RAPGEF4: variants seen among roughly 807,000 people sequenced by gnomAD.
The protein encoded by RAPGEF4 is Rap guanine nucleotide exchange factor 4.
RAPGEF4 carries 66 observed loss-of-function variants against 147.9 expected under a neutral mutation model. The observed-to-expected ratio is 0.45, with a 90% CI of 0.37 to 0.55. The LOEUF is 0.55. Among genes scored for constraint, RAPGEF4 ranks in the 20% least tolerant of loss-of-function variants. RAPGEF4 has a pLI of 0.00. For missense variants in RAPGEF4, 1,071 were observed against 1,257.3 expected, an observed-to-expected ratio of 0.85 and a Z score of 2.24; for synonymous variants, 419 against 442.7, an observed-to-expected ratio of 0.95 and a Z score of 0.67.
In RAPGEF4 at chr2:172,901,001, T is replaced by A. The variant is rs141664500; in HGVS notation, c.445-16801T>A. On this transcript the variant is annotated intron_variant, in intron 4 of 30. Coordinates refer to ENST00000397081, the MANE Select transcript of RAPGEF4 (RefSeq NM_007023.4). ...ATATTACATGGGAGCTTTTGCCAAG[T>A]TTACAGAAATACAATTGAAAGTGGA... 4.1e-3 allele frequency among the ~76,000 whole-genome samples: 626 copies of A among 152,284 alleles called. 5 individuals are homozygous for A. Among genetic ancestry groups the A allele is most frequent in the Non-Finnish European group, 7.3e-3 (496 of 68,030 alleles).
At chr2:172,974,920 A>G (rs774923552) in intron 10 of RAPGEF4, among the ~76,000 whole-genome samples, 4 of 152,138 alleles carry the variant, frequency 2.6e-5, no homozygotes, top group Non-Finnish European at 4.4e-5. Flanking sequence ...GAGTTTTACT[A>G]TGTATTGTCA....
chr2:173,002,946 A>G (rs1694080125), intron 17 of RAPGEF4, among the ~76,000 whole-genome samples: 1 of 152,214 alleles, frequency 6.6e-6, no homozygotes. Context: ...TTTTAACTCC[A>G]TACGCACTAA....
At chr2:173,026,003 A>G (rs530542506) in intron 23 of RAPGEF4, among the ~76,000 whole-genome samples, 1 of 152,308 alleles carries the variant, frequency 6.6e-6, no homozygotes, top group Admixed American at 6.5e-5. Context: ...TCCTCAGCTC[A>G]ACATCTGCCC....
chr2:172,852,582 T>A (rs1692977744), intron 4 of RAPGEF4, among the ~76,000 whole-genome samples: 1 of 152,110 alleles, frequency 6.6e-6, no homozygotes, highest in African/African-American at 2.4e-5. Flanking sequence ...TATGTGCCAA[T>A]AATGGGAATC....
chr2:173,051,069 CT>C (rs1192598545), intron 30 of RAPGEF4, among the ~76,000 whole-genome samples: 1 of 152,194 alleles, frequency 6.6e-6, no homozygotes, highest in Non-Finnish European at 1.5e-5. Flanking sequence ...GAAGTCATAA[CT>C]TCAGCCTGTG....
chr2:173,039,428 G>C (rs1208299278), intron 29 of RAPGEF4, among the ~76,000 whole-genome samples: 2 of 151,656 alleles, frequency 1.3e-5, no homozygotes, highest in African/African-American at 4.8e-5. Flanking sequence ...TTGCACCACT[G>C]CGCTCCAGCC....
chr2:172,840,760 C>G (rs1182513955), intron 4 of RAPGEF4, among the ~76,000 whole-genome samples: 1 of 152,212 alleles, frequency 6.6e-6, no homozygotes, highest in Non-Finnish European at 1.5e-5. Context: ...TTAGCAGGTC[C>G]TTTTTCAGGG....
intron 15 of RAPGEF4, among the ~76,000 whole-genome samples, chr2:172,994,150 G>T (rs896782371): frequency 6.6e-6 from 1 of 152,206 alleles, no homozygotes; most frequent in African/African-American, 2.4e-5. Flanking sequence ...CTTCCCAGCA[G>T]CCTGGTGCCA....
chr2:172,940,152 T>C (rs1288291630), intron 6 of RAPGEF4, among the ~76,000 whole-genome samples: 2 of 152,184 alleles, frequency 1.3e-5, no homozygotes, highest in Admixed American at 1.3e-4. Flanking sequence ...AAGATTAGAC[T>C]AGGATTATGG....
chr2:172,848,777 C>CCTCT (rs1692496362), intron 4 of RAPGEF4, among the ~76,000 whole-genome samples: 1 of 152,116 alleles, frequency 6.6e-6, no homozygotes, highest in Admixed American at 6.5e-5. Flanking sequence ...AAGAGGCCTG[C>CCTCT]CTCTCAGCAC....
At chr2:172,767,551 G>A (rs1465663013) in intron 1 of RAPGEF4, among the ~76,000 whole-genome samples, 1 of 152,154 alleles carries the variant, frequency 6.6e-6, no homozygotes, top group East Asian at 1.9e-4. Flanking sequence ...ATGAGATTGT[G>A]CTGAGATTGA....
intron 1 of RAPGEF4, among the ~76,000 whole-genome samples, chr2:172,765,761 G>A (rs79463442): frequency 1.4e-4 from 22 of 152,340 alleles, no homozygotes; most frequent in Admixed American, 5.2e-4. Flanking sequence ...CATCTCTACC[G>A]CTGGTGCTGG....
intron 4 of RAPGEF4, among the ~76,000 whole-genome samples, chr2:172,859,722 C>T (rs1394599944): frequency 6.6e-6 from 1 of 152,148 alleles, no homozygotes; most frequent in Non-Finnish European, 1.5e-5. Flanking sequence ...GGTGAAGTAT[C>T]AAGTTGCTCT....
chr2:172,988,957 CA>C (rs1692551810), intron 14 of RAPGEF4, 118 bp downstream of exon 14: 14 of 1,133,206 alleles, frequency 1.2e-5, no homozygotes, highest in Non-Finnish European at 1.6e-5. Context: ...GCTCTAGGCA[CA>C]AAGGGCCTTT....
chr2:172,736,125 C>T, intron 1 of RAPGEF4, 77 bp downstream of exon 1: 1 of 1,187,560 alleles, frequency 8.4e-7, no homozygotes. Flanking sequence ...CAGCTCCGCA[C>T]CTGGGCGCAG....
chr2:172,882,111 A>G (rs1484903130), intron 4 of RAPGEF4, among the ~76,000 whole-genome samples: 3 of 152,320 alleles, frequency 2.0e-5, no homozygotes, highest in East Asian at 1.9e-4. Context: ...TTCTAAACTT[A>G]TATTAACTTT....
chr2:172,945,802 A>G (rs1257609329), intron 6 of RAPGEF4, among the ~76,000 whole-genome samples: 2 of 152,220 alleles, frequency 1.3e-5, no homozygotes, highest in Admixed American at 1.3e-4. Context: ...AATATGTATT[A>G]GTCTTAATAA....
At chr2:172,820,119 A>G (rs114831198) in intron 4 of RAPGEF4, among the ~76,000 whole-genome samples, 1,746 of 152,210 alleles carry the variant, frequency 0.011, 34 homozygotes, top group African/African-American at 0.038. Context: ...GGTTTGTGGC[A>G]TGTTTTGACA....
Position 173,018,808 on chromosome 2 carries a change from A to G in RAPGEF4, c.2155+6A>G. The G allele has an allele frequency of 1.2e-6, 2 of 1,613,220 alleles. No individual in the cohort carries two copies. Among genetic ancestry groups the G allele is most frequent in the Admixed American group, 1.7e-5 (1 of 59,862 alleles). ...CAAGATGAGTTCCGGAGGAGGTAACAGTCTTAATTCATATTTTAGGCTCTG... is the reference window on the plus strand; with the variant it reads ...CAAGATGAGTTCCGGAGGAGGTAACGGTCTTAATTCATATTTTAGGCTCTG... On this transcript the variant is annotated splice_donor_region_variant and intron_variant, in intron 22 of 30. Coordinates refer to ENST00000397081, the MANE Select transcript of RAPGEF4 (RefSeq NM_007023.4).
Sources: gnomAD v4.1 joint callset for allele counts (sites outside exome capture counted in the v4.1 genomes callset) on GRCh38, gnomAD v4.1.1 for gene constraint, MANE v1.5 for transcripts, NCBI Gene and HGNC (gene_info 2026-07-23, HGNC 2026-07-21) for gene names.